ABTB2: variants seen among roughly 807,000 people sequenced by gnomAD.
The protein encoded by ABTB2 is ankyrin repeat and BTB domain containing 2.
ABTB2 carries 56 observed loss-of-function variants against 104.1 expected under a neutral mutation model. The observed-to-expected ratio is 0.54, with a 90% confidence interval of 0.43 to 0.67. ABTB2 has a LOEUF of 0.67. Ranked by LOEUF, ABTB2 falls within the 30% of genes least tolerant of loss-of-function variation. ABTB2 has a pLI of 0.00. For missense variants in ABTB2, 1,279 were observed against 1,407.7 expected (o/e 0.91, Z 1.46); for synonymous variants, 606 against 608.2 (o/e 1.00, Z 0.05).
In ABTB2 at chr11:34,246,847, CTT is replaced by C. The variant is rs199831054; in HGVS notation, c.884-42159_884-42158del. 5.7e-4 allele frequency among the ~76,000 whole-genome samples: 68 copies of C among 118,262 alleles called. 1 individual carries two copies. The highest frequency in any genetic ancestry group is 1.7e-3 in the South Asian group (6 of 3,616). The allele number at this position is 118,262 out of a possible 152,430, so 77.6% of individuals were successfully genotyped here. ...CATTTCTTTTCTTTTTTTCTTTTTT[CTT>C]TTTTTTTTTTTTTTTGAGACAGAGT... On this transcript the variant is annotated intron_variant, in intron 1 of 16. Transcript: ENST00000435224.
chr11:34,186,776 G>A (rs891318769), intron 3 of ABTB2, among the ~76,000 whole-genome samples: 14 of 152,122 alleles, frequency 9.2e-5, no homozygotes, highest in Non-Finnish European at 1.8e-4. Flanking sequence ...GCTCCTTCTC[G>A]GATGCTGGGC....
At chr11:34,194,615 G>T (rs2133034429) in intron 3 of ABTB2, among the ~76,000 whole-genome samples, 1 of 152,262 alleles carries the variant, frequency 6.6e-6, no homozygotes, top group South Asian at 2.1e-4. Context: ...GCGCTCCCAG[G>T]AAGGATCCCC....
At chr11:34,348,371 G>A (rs1855359006) in intron 1 of ABTB2, among the ~76,000 whole-genome samples, 1 of 152,192 alleles carries the variant, frequency 6.6e-6, no homozygotes, top group Non-Finnish European at 1.5e-5. Context: ...ATGTGGGAAA[G>A]CTTTCCTTTT....
At chr11:34,164,943 CCA>C (rs1852777876) in intron 8 of ABTB2, 122 bp from the exon 9 acceptor site, 2 of 1,211,930 alleles carry the variant, frequency 1.7e-6, no homozygotes, top group African/African-American at 3.1e-5. Context: ...TCAGTAAACC[CCA>C]CACTCATCTG....
At chr11:34,196,421 G>A (rs1317886109) in intron 3 of ABTB2, among the ~76,000 whole-genome samples, 1 of 152,210 alleles carries the variant, frequency 6.6e-6, no homozygotes, top group Non-Finnish European at 1.5e-5. Context: ...AGGCGTGGTG[G>A]CGGGCACCTG....
At chr11:34,314,889 G>T (rs963528479) in intron 1 of ABTB2, among the ~76,000 whole-genome samples, 1 of 152,206 alleles carries the variant, frequency 6.6e-6, no homozygotes, top group African/African-American at 2.4e-5. Flanking sequence ...GGCTAACCCT[G>T]TTCTGAGAGG....
At chr11:34,337,890 C>T (rs2133121168) in intron 1 of ABTB2, among the ~76,000 whole-genome samples, 1 of 152,284 alleles carries the variant, frequency 6.6e-6, no homozygotes, top group African/African-American at 2.4e-5. Flanking sequence ...TCAAATCACC[C>T]TAACCATGAT....
chr11:34,247,631 G>A (rs186965827), intron 1 of ABTB2, among the ~76,000 whole-genome samples: 3 of 152,270 alleles, frequency 2.0e-5, no homozygotes, highest in African/African-American at 7.2e-5. Flanking sequence ...TTAAGTCAAG[G>A]AGCATCTGTA....
At chr11:34,201,058 G>A (rs1026834920) in intron 2 of ABTB2, among the ~76,000 whole-genome samples, 2 of 152,118 alleles carry the variant, frequency 1.3e-5, no homozygotes, top group South Asian at 4.2e-4. Context: ...CATTATAAAG[G>A]TTTCATTCTG....
chr11:34,281,913 CAAAT>C (rs1169014992), intron 1 of ABTB2, among the ~76,000 whole-genome samples: 2 of 152,138 alleles, frequency 1.3e-5, no homozygotes, highest in African/African-American at 4.8e-5. Flanking sequence ...TAACAGAGGA[CAAAT>C]AAACTATAAA....
In ABTB2 at chr11:34,218,616, G is replaced by A. The variant is rs978754628; in HGVS notation, c.884-13926C>T. Among the ~76,000 whole-genome samples the A allele has an allele frequency of 1.2e-4, 18 of 152,222 alleles. No individual in the cohort carries two copies. In the South Asian group the frequency reaches 1.5e-3, roughly 12 times the overall value. On this transcript the variant is annotated intron_variant, in intron 1 of 16. Transcript: ENST00000435224. ...TGTAATCCCACCACTTTGGGAGGCT[G>A]AGGTGGGCAGATCACCTGAGGTCGG...
rs1353102438 is a variant in ABTB2 at position 34,152,766 on chromosome 11, G to A, written c.2881-182C>T. Among the ~76,000 whole-genome samples the A allele has an allele frequency of 2.6e-5, 4 of 152,282 alleles. No homozygotes were observed. The South Asian group carries it at 6.2e-4, about 24-fold the overall frequency. On this transcript the variant is annotated intron_variant, in intron 16 of 16. Transcript: ENST00000435224. ...GCTATATCTGAACTGTTCAGCCCCC[G>A]TCATTTTCCTGCCTGTGTCATACTG...
chr11:34,324,098 A>G (rs1049856362), intron 1 of ABTB2, among the ~76,000 whole-genome samples: 1 of 151,670 alleles, frequency 6.6e-6, no homozygotes, highest in Non-Finnish European at 1.5e-5. Flanking sequence ...TTTAGTAGAG[A>G]CGGGGTTTCA....
At chr11:34,187,781 T>G (rs80168887) in intron 3 of ABTB2, among the ~76,000 whole-genome samples, 2,244 of 152,206 alleles carry the variant, frequency 0.015, 48 homozygotes, top group African/African-American at 0.051. Flanking sequence ...GAGCCTCTCA[T>G]CTTTCTCACT....
intron 1 of ABTB2, among the ~76,000 whole-genome samples, chr11:34,299,227 G>A (rs1266686059): frequency 6.6e-6 from 1 of 152,150 alleles, no homozygotes; most frequent in African/African-American, 2.4e-5. Flanking sequence ...CTGGGGGGCA[G>A]GAATGGCATA....
intron 14 of ABTB2, among the ~76,000 whole-genome samples, chr11:34,158,270 G>A (rs1353408518): frequency 6.6e-6 from 1 of 152,164 alleles, no homozygotes; most frequent in Non-Finnish European, 1.5e-5. Context: ...AAAATTAGCT[G>A]GGTGTGGTGG....
intron 14 of ABTB2, among the ~76,000 whole-genome samples, chr11:34,155,332 AAAAG>A (rs998915363): frequency 3.7e-4 from 57 of 152,304 alleles, no homozygotes; most frequent in Non-Finnish European, 2.6e-4. Context: ...TGCTTCCTCA[AAAAG>A]AAAGCGCAGA....
At chr11:34,354,839 C>T (rs1319673224) in intron 1 of ABTB2, among the ~76,000 whole-genome samples, 1 of 152,196 alleles carries the variant, frequency 6.6e-6, no homozygotes, top group Admixed American at 6.5e-5. Flanking sequence ...TAGGAGCCTG[C>T]CTTTACTTCT....
In ABTB2 at chr11:34,159,288, C is replaced by T; in HGVS notation, c.2697+8G>A. 1 of 1,611,262 alleles carries T rather than the reference C, an allele frequency of 6.2e-7. No individual in the cohort carries two copies. ...TCTGAGAAGAGGGCGGCACCAAGACCCACACACCTGAAAAATGTGGTACTT... is the reference window on the plus strand; with the variant it reads ...TCTGAGAAGAGGGCGGCACCAAGACTCACACACCTGAAAAATGTGGTACTT... On this transcript the variant is annotated splice_region_variant and intron_variant, in intron 14 of 16. Transcript: ENST00000435224.
Sources: gnomAD v4.1 joint callset for allele counts (sites outside exome capture counted in the v4.1 genomes callset) on GRCh38, gnomAD v4.1.1 for gene constraint, MANE v1.5 for transcripts, NCBI Gene and HGNC (gene_info 2026-07-23, HGNC 2026-07-21) for gene names.